The following ICE2 variants were observed in gnomAD, a reference collection of about 807,000 sequenced individuals.
ICE2 encodes interactor of little elongation complex ELL subunit 2, also known as little elongation complex subunit 2.
Under a neutral mutation model 105.4 loss-of-function variants are expected in ICE2, and 87 were observed. That is an observed-to-expected ratio of 0.83 (90% confidence interval 0.69 to 0.99). The LOEUF (loss-of-function observed/expected upper bound fraction) is 0.99. Ranked by LOEUF, ICE2 falls within the 50% of genes least tolerant of loss-of-function variation. The pLI, the probability that ICE2 is intolerant of heterozygous loss-of-function variation, is 0.00. For synonymous variants in ICE2, 399 were observed against 392.0 expected, an observed-to-expected ratio of 1.02 and a Z score of -0.21; for missense variants, 1,323 against 1,146.7, an observed-to-expected ratio of 1.15 and a Z score of -2.22.
At chr15:60,434,163 C>T (rs1354162147) in intron 13 of ICE2, among the ~76,000 whole-genome samples, 1 of 152,126 alleles carries the variant, frequency 6.6e-6, no homozygotes, top group Non-Finnish European at 1.5e-5. Flanking sequence ...CCAGCCTTTC[C>T]TAGAAGTTGT....
chr15:60,452,010 A>G (rs775281981), intron 9 of ICE2: 13 of 809,456 alleles, frequency 1.6e-5, no homozygotes, highest in Non-Finnish European at 1.9e-5. Flanking sequence ...GATGTCATCA[A>G]TAAAAGGAGG....
At position 60,423,553 on chromosome 15, in the gene ICE2, C is replaced by T; in HGVS notation, c.*81G>A. ...ACAGGAAAAATGTTCCTCTTGCCTA[C>T]TGATTATTTTCCCTCAAACTTATCT... is the stretch of plus-strand genomic sequence containing the variant. On this transcript the variant is annotated 3_prime_UTR_variant, in exon 16 of 16. Coordinates refer to ENST00000261520, the MANE Select transcript of ICE2 (RefSeq NM_024611.6). 6.0e-6 allele frequency: 8 copies of T among 1,339,740 alleles called. No individual in the cohort carries two copies. Among genetic ancestry groups the T allele is most frequent in the Non-Finnish European group, 6.0e-6 (6 of 999,348 alleles). 83.0% of individuals were successfully genotyped at this position (1,339,740 alleles called of 1,614,324 possible). A position where few individuals can be genotyped will look rare whatever the true frequency, so the allele number is the denominator to read the frequency against.
intron 3 of ICE2, among the ~76,000 whole-genome samples, chr15:60,475,322 G>GA (rs2064728676): frequency 6.6e-6 from 1 of 151,834 alleles, no homozygotes; most frequent in East Asian, 1.9e-4. Flanking sequence ...TATCAGAGAG[G>GA]AAAAAAACCT....
Position 60,419,993 on chromosome 15 carries a change from T to G in ICE2, c.*3641A>C, listed in dbSNP as rs1017582077. ...ATGACTGCAGCCCTAGCCAAGAGCC[T>G]GACTGCAACTTCATGAGAGACCTGG... On this transcript the variant is annotated 3_prime_UTR_variant, in exon 16 of 16. Transcript: ENST00000261520. 8.5e-5 allele frequency: 13 copies of G among 152,372 alleles called. No individual in the cohort carries two copies. Among genetic ancestry groups the G allele is most frequent in the African/African-American group, 3.1e-4 (13 of 41,580 alleles). 9.4% of individuals were successfully genotyped at this position (152,372 alleles called of 1,614,324 possible). A position where few individuals can be genotyped will look rare whatever the true frequency, so the allele number is the denominator to read the frequency against.
intron 9 of ICE2, chr15:60,453,124 C>T (rs995183362): frequency 3.0e-5 from 19 of 624,296 alleles, no homozygotes; most frequent in Admixed American, 1.2e-4. Flanking sequence ...CTCAGCTACT[C>T]GGGAGTCTGA....
At chr15:60,454,919 T>C (rs963367540) in intron 8 of ICE2, 84 bp downstream of exon 8, 32 of 1,252,940 alleles carry the variant, frequency 2.6e-5, no homozygotes, top group Admixed American at 5.3e-5. Context: ...TGTGTTCTCA[T>C]TGTTCAACTC....
chr15:60,479,006 A>G lies in ICE2; in HGVS notation c.-96T>C, dbSNP rs1245706614. Reference sequence around the variant, plus strand: ...GCAACACAGCCTTTCCGCCCACCTCATGGTCCGCGGCGGCTCTTGCCCAGG... The same window carrying G: ...GCAACACAGCCTTTCCGCCCACCTCGTGGTCCGCGGCGGCTCTTGCCCAGG... On this transcript the variant is annotated 5_prime_UTR_variant, in exon 1 of 16. The change abolishes an upstream ATG in the 5' untranslated region. Coordinates refer to ENST00000261520, the MANE Select transcript of ICE2 (RefSeq NM_024611.6). 1 of 455,884 alleles carries G rather than the reference A, an allele frequency of 2.2e-6. No homozygotes were observed. The highest frequency in any genetic ancestry group is 2.3e-5 in the Admixed American group (1 of 42,566). The allele number at this position is 455,884 out of a possible 1,614,324, so 28.2% of individuals were successfully genotyped here. A position where few individuals can be genotyped will look rare whatever the true frequency, so the allele number is the denominator to read the frequency against.
At chr15:60,428,927 A>G (rs1355419098) in intron 14 of ICE2, among the ~76,000 whole-genome samples, 1 of 152,186 alleles carries the variant, frequency 6.6e-6, no homozygotes, top group African/African-American at 2.4e-5. Context: ...TTTTACTTTT[A>G]TAGCAATTCG....
At chr15:60,475,841 G>T (rs1184246957) in intron 3 of ICE2, among the ~76,000 whole-genome samples, 3 of 151,796 alleles carry the variant, frequency 2.0e-5, no homozygotes, top group Non-Finnish European at 2.9e-5. Context: ...AAAAATATTG[G>T]GATAGTTTAG....
At chr15:60,424,102 A>C (rs1284997061) in intron 15 of ICE2, among the ~76,000 whole-genome samples, 1 of 152,164 alleles carries the variant, frequency 6.6e-6, no homozygotes, top group Non-Finnish European at 1.5e-5. Flanking sequence ...TGAAATAATT[A>C]AACTGAAGGA....
At chr15:60,461,916 T>G (rs1474998734) in intron 5 of ICE2, among the ~76,000 whole-genome samples, 1 of 152,102 alleles carries the variant, frequency 6.6e-6, no homozygotes, top group Non-Finnish European at 1.5e-5. Flanking sequence ...GAAAAGCCAG[T>G]AGGAAGAGCC....
chr15:60,455,133 C>T lies in ICE2; in HGVS notation c.813G>A (p.Lys271=), dbSNP rs773778397. ...TCTGAGGGTGATATCTGGAAACAAG[C>T]TTCTCTGCATTTGGATCTTTACTAA... ...YDISKDPNAE[K]LVSRYHPQIA... Residue 271 remains lysine (K), a synonymous_variant, in exon 8 of 16, where the codon AAG becomes AAA. Transcript: ENST00000261520. The T allele has an allele frequency of 6.3e-7, 1 of 1,586,128 alleles. No individual in the cohort carries two copies. The highest frequency in any genetic ancestry group is 8.5e-7 in the Non-Finnish European group (1 of 1,171,424).
chr15:60,456,716 C>T lies in ICE2; in HGVS notation c.607G>A (p.Gly203Arg). Residue 203 changes from glycine (G) to arginine (R), a missense_variant, in exon 6 of 16, where the codon GGA becomes AGA. Physicochemically the swap from Gly to Arg is moderately radical, Grantham distance 125. Coordinates refer to ENST00000261520, the MANE Select transcript of ICE2 (RefSeq NM_024611.6). ...ATCTCTACTCTGAATGGGAAGAATCCCATTAAGCTGGTGACCTCGTGGAGA... is the reference window on the plus strand; with the variant it reads ...ATCTCTACTCTGAATGGGAAGAATCTCATTAAGCTGGTGACCTCGTGGAGA... ...YTLHEVTSLM[G>R]FFPFRVEMGL... The T allele has an allele frequency of 6.3e-7, 1 of 1,594,722 alleles. No homozygotes were observed. Among genetic ancestry groups the T allele is most frequent in the South Asian group, 1.1e-5 (1 of 88,992 alleles).
intron 14 of ICE2, among the ~76,000 whole-genome samples, chr15:60,431,393 T>G (rs1428229776): frequency 1.3e-5 from 2 of 151,932 alleles, no homozygotes; most frequent in Non-Finnish European, 2.9e-5. Flanking sequence ...AGGAACCTTA[T>G]AAAAGGGAGG....
At chr15:60,476,012 C>T (rs779393343) in intron 3 of ICE2, 51 bp downstream of exon 3, 9 of 1,222,430 alleles carry the variant, frequency 7.4e-6, no homozygotes, top group East Asian at 4.9e-5. Context: ...CTTCAACTAT[C>T]AGAAAAACGA....
chr15:60,453,744 A>G lies in ICE2; in HGVS notation c.984T>C (p.Leu328=), dbSNP rs2064026028. 1 of 1,597,078 alleles carries G rather than the reference A, an allele frequency of 6.3e-7. No individual in the cohort carries two copies. Among genetic ancestry groups the G allele is most frequent in the Non-Finnish European group, 8.6e-7 (1 of 1,164,806 alleles). ...CTCTCATAGTCATTTTCTTTTGGGG[A>G]AGTGGTGAATTAATATATATTACTT... ...PVKVIYINSP[L]PQKKMTMRER... is the part of the protein sequence containing the mutation. Residue 328 remains leucine (L), a synonymous_variant, in exon 9 of 16, where the codon CTT becomes CTC. Transcript: ENST00000261520.
rs2063224505 is a variant in ICE2, at chr15:60,419,799, G to A, written c.*3835C>T. Reference sequence around the variant, plus strand: ...AACATCTTTACAACATGCCCATTAGGAACTACAGATGCAGTATGCTAATGA... The same window carrying A: ...AACATCTTTACAACATGCCCATTAGAAACTACAGATGCAGTATGCTAATGA... On this transcript the variant is annotated 3_prime_UTR_variant, in exon 16 of 16. Transcript: ENST00000261520. 1 of 152,152 alleles carries A rather than the reference G, an allele frequency of 6.6e-6. No homozygotes were observed. The highest frequency in any genetic ancestry group is 1.5e-5 in the Non-Finnish European group (1 of 68,020). The allele number at this position is 152,152 out of a possible 1,614,324, so 9.4% of individuals were successfully genotyped here.
At chr15:60,470,360 G>A (rs1340435138) in intron 3 of ICE2, among the ~76,000 whole-genome samples, 1 of 152,128 alleles carries the variant, frequency 6.6e-6, no homozygotes, top group Admixed American at 6.5e-5. Context: ...AGAGAAGAAA[G>A]AGAAAATATC....
intron 5 of ICE2, 54 bp downstream of exon 5, chr15:60,466,540 T>C (rs2064433021): frequency 6.3e-7 from 1 of 1,590,836 alleles, no homozygotes; most frequent in Non-Finnish European, 8.5e-7. Flanking sequence ...TATTTCAGAA[T>C]GCTGCTATTG....
Sources: gnomAD v4.1 joint callset for allele counts (sites outside exome capture counted in the v4.1 genomes callset) on GRCh38, gnomAD v4.1.1 for gene constraint, MANE v1.5 for transcripts, NCBI Gene and HGNC (gene_info 2026-07-23, HGNC 2026-07-21) for gene names.